Variants in ANKRD6 observed in about 807,000 individuals in gnomAD.
ANKRD6 encodes the protein ankyrin repeat domain 6, also known as ankyrin repeat domain-containing protein 6.
In ANKRD6, 56 loss-of-function variants were observed where a neutral mutation model predicts 82.3. That is an observed-to-expected ratio of 0.68 (90% CI 0.55 to 0.85). ANKRD6 has a LOEUF of 0.85. Among genes scored for constraint, ANKRD6 ranks in the 40% least tolerant of loss-of-function variants. ANKRD6 has a pLI of 0.00. For synonymous variants in ANKRD6, 347 were observed against 352.1 expected (o/e 0.99, Z 0.16); for missense variants, 852 against 907.6 (o/e 0.94, Z 0.79).
intron 1 of ANKRD6, among the ~76,000 whole-genome samples, chr6:89,507,455 C>G (rs1033395270): frequency 4.6e-5 from 7 of 152,112 alleles, no homozygotes; most frequent in African/African-American, 1.7e-4. Context: ...TGTTGCAGCT[C>G]TATGTTGAGC....
At chr6:89,536,184 C>A (rs1461870180) in intron 1 of ANKRD6, among the ~76,000 whole-genome samples, 1 of 152,192 alleles carries the variant, frequency 6.6e-6, no homozygotes, top group Non-Finnish European at 1.5e-5. Flanking sequence ...AAGCCGAGAT[C>A]GCACCAATGC....
At chr6:89,599,543 G>A (rs1796624287) in intron 3 of ANKRD6, among the ~76,000 whole-genome samples, 1 of 152,154 alleles carries the variant, frequency 6.6e-6, no homozygotes, top group African/African-American at 2.4e-5. Context: ...TTGTTTCTTC[G>A]TGTCATTTCA....
chr6:89,555,717 C>T (rs1002711946), intron 1 of ANKRD6, among the ~76,000 whole-genome samples: 54 of 151,744 alleles, frequency 3.6e-4, no homozygotes, highest in African/African-American at 1.1e-3. Flanking sequence ...CAGGATGCAG[C>T]GGGGGAGAGG....
intron 1 of ANKRD6, among the ~76,000 whole-genome samples, chr6:89,507,872 T>C (rs1332342997): frequency 2.0e-5 from 3 of 152,178 alleles, no homozygotes; most frequent in African/African-American, 7.2e-5. Flanking sequence ...TTTCAAATCA[T>C]TTTATTTTAT....
intron 5 of ANKRD6, 38 bp from the exon 6 acceptor site, chr6:89,612,234 T>C: frequency 6.5e-7 from 1 of 1,532,850 alleles, no homozygotes. Flanking sequence ...CGGAAGCATG[T>C]TGCTAATATG....
intron 1 of ANKRD6, among the ~76,000 whole-genome samples, chr6:89,523,072 G>T (rs1446638499): frequency 1.3e-5 from 2 of 152,200 alleles, no homozygotes; most frequent in Non-Finnish European, 2.9e-5. Context: ...CTGAGAGCTG[G>T]AGCAGCCTCT....
At chr6:89,601,511 G>C (rs1797154612) in intron 3 of ANKRD6, 2 of 152,126 alleles carry the variant, frequency 1.3e-5, no homozygotes, top group African/African-American at 4.8e-5. Flanking sequence ...AATATAAAAA[G>C]CTGGAAAATA....
chr6:89,575,166 A>T (rs1217318102), intron 2 of ANKRD6, among the ~76,000 whole-genome samples: 1 of 152,180 alleles, frequency 6.6e-6, no homozygotes, highest in African/African-American at 2.4e-5. Flanking sequence ...TAAGACCTAC[A>T]TTCAACTAGG....
intron 1 of ANKRD6, among the ~76,000 whole-genome samples, chr6:89,558,370 T>C (rs1300164202): frequency 1.3e-5 from 2 of 152,186 alleles, no homozygotes; most frequent in Non-Finnish European, 2.9e-5. Context: ...TGGAATATTA[T>C]GGTATACAAT....
intron 2 of ANKRD6, among the ~76,000 whole-genome samples, chr6:89,587,424 G>A (rs1793985928): frequency 6.6e-6 from 1 of 152,180 alleles, no homozygotes; most frequent in South Asian, 2.1e-4. Flanking sequence ...GGGAGGTGGA[G>A]GTTGCAGTGA....
intron 2 of ANKRD6, among the ~76,000 whole-genome samples, chr6:89,592,495 C>T (rs1275125592): frequency 6.6e-6 from 1 of 152,146 alleles, no homozygotes; most frequent in Non-Finnish European, 1.5e-5. Flanking sequence ...GCTCTGATAC[C>T]TCTGGCCTTT....
chr6:89,510,012 G>A (rs1326799479), intron 1 of ANKRD6, among the ~76,000 whole-genome samples: 27 of 152,150 alleles, frequency 1.8e-4, no homozygotes, highest in Non-Finnish European at 1.5e-5. Context: ...TTGTGTTTTT[G>A]GAGCCATGTG....
At chr6:89,464,607 A>G (rs1774608358) in intron 1 of ANKRD6, among the ~76,000 whole-genome samples, 1 of 152,230 alleles carries the variant, frequency 6.6e-6, no homozygotes, top group African/African-American at 2.4e-5. Context: ...GTATTTTAAT[A>G]ATGCATTTCC....
At chr6:89,586,689 G>GA (rs1456234084) in intron 2 of ANKRD6, among the ~76,000 whole-genome samples, 60 of 150,974 alleles carry the variant, frequency 4.0e-4, no homozygotes, top group African/African-American at 1.3e-3. Flanking sequence ...TGTCTTGGGG[G>GA]AGAAAAAAAG....
At position 89,622,008 on chromosome 6, in the gene ANKRD6, T is replaced by A. The variant is rs1232406660; in HGVS notation, c.879T>A (p.Asp293Glu). ...GGAGAGCCCAGTCTGTGCCAAGAGA[T>A]GAGGTGGCCCAAAGCAAGGTGGGGG... Reference protein sequence around the residue: ...EERRAQSVPRDEVAQSKGSVS... With the variant: ...EERRAQSVPREEVAQSKGSVS... The change falls in exon 10 of 16, where the codon GAT becomes GAA. Residue 293 changes from aspartate to glutamate, a missense_variant. Coordinates refer to ENST00000339746, the MANE Select transcript of ANKRD6 (RefSeq NM_001242809.2). 2.5e-6 allele frequency: 4 copies of A among 1,612,314 alleles called. No individual in the cohort carries two copies. The Admixed American group carries it at 6.7e-5, about 27-fold the overall frequency.
At chr6:89,567,613 CTA>C (rs1485147482) in intron 2 of ANKRD6, among the ~76,000 whole-genome samples, 1 of 152,156 alleles carries the variant, frequency 6.6e-6, no homozygotes, top group African/African-American at 2.4e-5. Flanking sequence ...ACAGAGAAGA[CTA>C]TGAAAGATAA....
At chr6:89,435,416 A>G (rs978191669) in intron 1 of ANKRD6, among the ~76,000 whole-genome samples, 1 of 152,186 alleles carries the variant, frequency 6.6e-6, no homozygotes, top group Non-Finnish European at 1.5e-5. Flanking sequence ...CCTTGCTTAT[A>G]TGAAAAACCC....
At chr6:89,555,513 G>T (rs1003942369) in intron 1 of ANKRD6, among the ~76,000 whole-genome samples, 1 of 152,106 alleles carries the variant, frequency 6.6e-6, no homozygotes, top group Non-Finnish European at 1.5e-5. Context: ...TGAGCTCAGG[G>T]CAGGGTGATT....
chr6:89,535,956 G>A (rs1321726721), intron 1 of ANKRD6, among the ~76,000 whole-genome samples: 4 of 152,250 alleles, frequency 2.6e-5, no homozygotes, highest in Non-Finnish European at 5.9e-5. Context: ...CAGGCCAGGT[G>A]TGGTGGCTCA....
Sources: gnomAD v4.1 joint callset for allele counts (sites outside exome capture counted in the v4.1 genomes callset) on GRCh38, gnomAD v4.1.1 for gene constraint, MANE v1.5 for transcripts, NCBI Gene and HGNC (gene_info 2026-07-23, HGNC 2026-07-21) for gene names.